Variants in CYRIB observed in about 807,000 individuals in gnomAD.
CYRIB encodes CYFIP related Rac1 interactor B.
CYRIB carries 8 observed loss-of-function variants against 44.2 expected under a neutral mutation model. The observed-to-expected ratio is 0.18, with a 90% CI of 0.11 to 0.33. The LOEUF is 0.33. Among genes scored for constraint, CYRIB ranks in the 10% least tolerant of loss-of-function variants. The pLI is 1.00. For synonymous variants in CYRIB, 131 were observed against 127.2 expected (o/e 1.03, Z -0.20); for missense variants, 185 against 382.8 (o/e 0.48, Z 4.31).
chr8:129,938,576 A>C (rs193040517), intron 1 of CYRIB, among the ~76,000 whole-genome samples: 32 of 152,344 alleles, frequency 2.1e-4, no homozygotes, highest in Non-Finnish European at 3.4e-4. Context: ...TGGTACTCCA[A>C]GGATTCAGGC....
At position 129,850,914 on chromosome 8, in the gene CYRIB, T is replaced by A; in HGVS notation, c.634A>T (p.Asn212Tyr). The A allele has an allele frequency of 2.5e-6, 4 of 1,585,366 alleles. No individual in the cohort carries two copies. The South Asian group carries it at 4.4e-5, about 18-fold the overall frequency. Residue 212 changes from asparagine to tyrosine, a missense_variant and splice_region_variant, in exon 9 of 12, where the codon AAT (asparagine) becomes TAT (tyrosine). By Grantham distance (143) the Asn-to-Tyr change is moderately radical. Coordinates refer to ENST00000519824, the Ensembl canonical transcript of CYRIB. ...GTATTTTCTATTGGTAAATTTTTAT[T>A]CTGTAGAAGTATATGAAGAACAAAA... is the stretch of plus-strand genomic sequence containing the variant.
chr8:129,876,794 A>G (rs1160663720), intron 3 of CYRIB, among the ~76,000 whole-genome samples: 1 of 149,144 alleles, frequency 6.7e-6, no homozygotes, highest in Admixed American at 6.6e-5. Context: ...ATTGGGATAG[A>G]CTTAATCAAT....
intron 1 of CYRIB, among the ~76,000 whole-genome samples, chr8:129,997,189 T>C (rs560064817): frequency 6.6e-6 from 1 of 151,832 alleles, no homozygotes; most frequent in African/African-American, 2.4e-5. Flanking sequence ...AAGATGTCAC[T>C]TAAGCTGACC....
At chr8:129,933,398 T>C (rs2092080290) in intron 1 of CYRIB, among the ~76,000 whole-genome samples, 1 of 152,142 alleles carries the variant, frequency 6.6e-6, no homozygotes. Context: ...CAAAATTTTA[T>C]GGTTCTCTTG....
At chr8:129,864,656 T>C in intron 4 of CYRIB, 1 of 240,540 alleles carries the variant, frequency 4.2e-6, no homozygotes, top group Non-Finnish European at 8.3e-6. Flanking sequence ...GATTTGTGTG[T>C]ACTGTGGCGG....
chr8:129,878,647 G>A (rs946723294), intron 3 of CYRIB, among the ~76,000 whole-genome samples: 1 of 152,046 alleles, frequency 6.6e-6, no homozygotes, highest in African/African-American at 2.4e-5. Flanking sequence ...AACCAGACAA[G>A]CTAAAGCGAT....
intron 2 of CYRIB, among the ~76,000 whole-genome samples, chr8:129,881,725 A>C (rs1216915869): frequency 6.6e-6 from 1 of 152,164 alleles, no homozygotes; most frequent in African/African-American, 2.4e-5. Flanking sequence ...TCTTCTTCTT[A>C]TATTAACATT....
At chr8:129,853,298 T>C (rs1323808195) in intron 7 of CYRIB, among the ~76,000 whole-genome samples, 4 of 152,230 alleles carry the variant, frequency 2.6e-5, no homozygotes, top group East Asian at 3.8e-4. Context: ...AAAAGACAGA[T>C]GTTAAGGTCA....
chr8:129,954,023 G>C (rs1336684306), intron 2 of CYRIB, among the ~76,000 whole-genome samples: 1 of 152,118 alleles, frequency 6.6e-6, no homozygotes, highest in Non-Finnish European at 1.5e-5. Flanking sequence ...AACTGGTTTA[G>C]CAAGCTTCCC....
intron 1 of CYRIB, among the ~76,000 whole-genome samples, chr8:129,992,895 C>T (rs1008880102): frequency 6.6e-6 from 1 of 152,172 alleles, no homozygotes; most frequent in Non-Finnish European, 1.5e-5. Flanking sequence ...AATTTGGCTC[C>T]GAGCTTCCTG....
At chr8:129,866,532 G>A (rs2053696745) in intron 4 of CYRIB, among the ~76,000 whole-genome samples, 1 of 151,602 alleles carries the variant, frequency 6.6e-6, no homozygotes, top group Admixed American at 6.6e-5. Flanking sequence ...CACACATTTT[G>A]ACTGTATATA....
At chr8:129,871,536 G>A (rs183918697) in intron 3 of CYRIB, 40 bp from the exon 6 acceptor site, 1 of 1,596,520 alleles carries the variant, frequency 6.3e-7, no homozygotes, top group South Asian at 1.2e-5. Flanking sequence ...ACAGTGACAT[G>A]AATTTTTTAA....
chr8:129,854,986 A>G (rs1382933387), intron 6 of CYRIB, among the ~76,000 whole-genome samples: 1 of 152,240 alleles, frequency 6.6e-6, no homozygotes, highest in Non-Finnish European at 1.5e-5. Context: ...AGAAAGGAAG[A>G]AAGCGGGAAA....
intron 1 of CYRIB, among the ~76,000 whole-genome samples, chr8:129,990,680 C>A (rs77070384): frequency 6.6e-6 from 1 of 152,160 alleles, no homozygotes; most frequent in East Asian, 1.9e-4. Context: ...TGCCACTACA[C>A]CTAGCTAATT....
chr8:129,853,175 G>A (rs868104878), intron 7 of CYRIB, among the ~76,000 whole-genome samples: 1 of 152,160 alleles, frequency 6.6e-6, no homozygotes, highest in Non-Finnish European at 1.5e-5. Flanking sequence ...GAGGGTAAAA[G>A]GGAGAACCAA....
intron 1 of CYRIB, among the ~76,000 whole-genome samples, chr8:129,932,477 A>G (rs892343477): frequency 6.6e-6 from 1 of 152,162 alleles, no homozygotes; most frequent in Non-Finnish European, 1.5e-5. Flanking sequence ...CTCTCCAGTA[A>G]GAAAGCCCAC....
At chr8:129,858,906 GTT>G (rs1161892766) in intron 5 of CYRIB, among the ~76,000 whole-genome samples, 2 of 152,196 alleles carry the variant, frequency 1.3e-5, no homozygotes, top group Non-Finnish European at 2.9e-5. Flanking sequence ...AGTATGGCAA[GTT>G]TACTGTAGGG....
intron 1 of CYRIB, among the ~76,000 whole-genome samples, chr8:129,918,486 G>A (rs942496943): frequency 1.1e-4 from 16 of 152,168 alleles, no homozygotes; most frequent in Non-Finnish European, 8.8e-5. Flanking sequence ...AAAAAGTAAC[G>A]AATTCATAAT....
intron 1 of CYRIB, among the ~76,000 whole-genome samples, chr8:129,994,073 G>A (rs887042497): frequency 1.3e-4 from 20 of 152,110 alleles, no homozygotes; most frequent in African/African-American, 3.1e-4. Context: ...GTCAAAGAAC[G>A]TAACCTTATT....
Sources: gnomAD v4.1 joint callset for allele counts (sites outside exome capture counted in the v4.1 genomes callset) on GRCh38, gnomAD v4.1.1 for gene constraint, MANE v1.5 for transcripts, NCBI Gene and HGNC (gene_info 2026-07-23, HGNC 2026-07-21) for gene names.